COQ3: variants seen among roughly 807,000 people sequenced by gnomAD.
COQ3 encodes the protein coenzyme Q3, methyltransferase.
A neutral mutation model predicts 33.1 loss-of-function variants in COQ3; 29 were observed. The observed-to-expected ratio is 0.88, with a 90% CI of 0.65 to 1.19. The LOEUF is 1.19. Among genes scored for constraint, COQ3 ranks in the 50% most tolerant of loss-of-function variants. COQ3 has a pLI of 0.00. For synonymous variants in COQ3, 173 were observed against 157.8 expected (o/e 1.10, Z -0.72); for missense variants, 437 against 430.7 (o/e 1.01, Z -0.13).
chr6:99,374,377 G>A (rs1448203566), intron 5 of COQ3, among the ~76,000 whole-genome samples: 2 of 152,128 alleles, frequency 1.3e-5, no homozygotes, highest in African/African-American at 2.4e-5. Context: ...TGTCTCACTT[G>A]ACTCATCCTA....
chr6:99,391,380 AG>A (rs1414414986), intron 1 of COQ3, among the ~76,000 whole-genome samples: 1 of 152,100 alleles, frequency 6.6e-6, no homozygotes, highest in Non-Finnish European at 1.5e-5. Context: ...CCGGGATTAA[AG>A]GTGCTCGGCC....
chr6:99,379,760 C>A (rs1273448132), intron 3 of COQ3, among the ~76,000 whole-genome samples: 4 of 151,858 alleles, frequency 2.6e-5, no homozygotes, highest in Non-Finnish European at 2.9e-5. Context: ...GAGGCTGAGG[C>A]AGGAGAATCG....
intron 3 of COQ3, 61 bp from the exon 4 acceptor site, chr6:99,377,546 CAA>C: frequency 8.4e-7 from 1 of 1,197,078 alleles, no homozygotes; most frequent in Non-Finnish European, 1.2e-6. Context: ...CGAAAAGTCA[CAA>C]AGTGTGTAGT....
rs202105188 is a variant in COQ3, at chr6:99,394,062, A to G, written c.106+12T>C. The stretch of plus-strand genomic sequence containing the variant: ...TTGACTGCATGCGAAGGACCTCCGC[A>G]CACACACTCACCCGCCGAGGAAATT... On this transcript the variant is annotated intron_variant, in intron 1 of 6. Coordinates refer to ENST00000254759, the MANE Select transcript of COQ3 (RefSeq NM_017421.4). 7.8e-5 allele frequency: 125 copies of G among 1,605,914 alleles called. No individual in the cohort carries two copies. In the African/African-American group the frequency reaches 1.2e-3, roughly 16 times the overall value.
intron 6 of COQ3, among the ~76,000 whole-genome samples, chr6:99,370,344 C>CTTTTTTTTTTTTTTTTTTTTTTTTTTT: frequency 5.9e-5 from 6 of 101,252 alleles, no homozygotes; most frequent in African/African-American, 1.6e-4. Flanking sequence ...CTTTTCTTTA[C>CTTTTTTTTTTTTTTTTTTTTTTTTTTT]TTTTTTTTTT....
At chr6:99,386,221 G>A (rs1399194816) in intron 1 of COQ3, among the ~76,000 whole-genome samples, 1 of 152,012 alleles carries the variant, frequency 6.6e-6, no homozygotes, top group East Asian at 1.9e-4. Context: ...CTTGAGGTCA[G>A]GAGTTCGAGA....
At chr6:99,377,511 C>T (rs375975580) in intron 3 of COQ3, 26 bp from the exon 4 acceptor site, 51 of 1,494,372 alleles carry the variant, frequency 3.4e-5, no homozygotes, top group Non-Finnish European at 4.5e-5. Context: ...CAAAACATAC[C>T]AAAACAAATA....
At chr6:99,379,491 A>G (rs1327182230) in intron 3 of COQ3, among the ~76,000 whole-genome samples, 1 of 152,204 alleles carries the variant, frequency 6.6e-6, no homozygotes, top group Admixed American at 6.5e-5. Context: ...TAAGTTCTCA[A>G]AAAAATTTGT....
chr6:99,382,733 C>T (rs1019108503), intron 2 of COQ3, among the ~76,000 whole-genome samples: 2 of 152,118 alleles, frequency 1.3e-5, no homozygotes, highest in Admixed American at 6.5e-5. Context: ...GTGGGTGGAT[C>T]ACCTGAGATC....
intron 4 of COQ3, among the ~76,000 whole-genome samples, chr6:99,377,102 C>T (rs1269858011): frequency 1.3e-5 from 2 of 150,486 alleles, no homozygotes; most frequent in Admixed American, 6.6e-5. Context: ...CTCTGCCTCC[C>T]GGGTTCAAGC....
chr6:99,375,867 C>A, intron 5 of COQ3, 73 bp downstream of exon 5: 1 of 1,534,246 alleles, frequency 6.5e-7, no homozygotes. Context: ...GCATTATGGA[C>A]CATTTTATTG....
intron 1 of COQ3, among the ~76,000 whole-genome samples, chr6:99,385,995 A>G (rs1263893666): frequency 1.2e-5 from 1 of 83,020 alleles, no homozygotes; most frequent in Non-Finnish European, 3.0e-5. Context: ...AAAAAAAAAG[A>G]AAAGAAAAAA....
intron 1 of COQ3, among the ~76,000 whole-genome samples, chr6:99,391,094 T>TATTGATTGATTG (rs879609283): frequency 2.1e-5 from 2 of 95,964 alleles, no homozygotes; most frequent in Non-Finnish European, 5.2e-5. Flanking sequence ...TTTATTTATT[T>TATTGATTGATTG]ATTTATTTAT....
intron 1 of COQ3, among the ~76,000 whole-genome samples, chr6:99,392,566 C>G (rs757044596): frequency 3.3e-5 from 5 of 152,150 alleles, no homozygotes; most frequent in Admixed American, 1.3e-4. Context: ...TTTCAAGGAA[C>G]CTTGCAGTTT....
chr6:99,390,225 A>C (rs907253174), intron 1 of COQ3, among the ~76,000 whole-genome samples: 1 of 152,158 alleles, frequency 6.6e-6, no homozygotes, highest in Non-Finnish European at 1.5e-5. Flanking sequence ...TGCATTTGTA[A>C]ATCTGTAATT....
chr6:99,380,562 A>G (rs1003019860), intron 2 of COQ3, among the ~76,000 whole-genome samples: 2 of 152,150 alleles, frequency 1.3e-5, no homozygotes, highest in African/African-American at 4.8e-5. Flanking sequence ...GTAAGTTTCA[A>G]TTCAAAACAG....
intron 2 of COQ3, 74 bp downstream of exon 2, chr6:99,383,624 G>C (rs1337996255): frequency 8.5e-7 from 1 of 1,176,624 alleles, no homozygotes; most frequent in African/African-American, 1.6e-5. Context: ...TACTGACTGG[G>C]TTTATTAAAG....
At chr6:99,381,856 G>T (rs1167198512) in intron 2 of COQ3, among the ~76,000 whole-genome samples, 2 of 151,344 alleles carry the variant, frequency 1.3e-5, no homozygotes, top group Non-Finnish European at 2.9e-5. Context: ...AAGCAGGGAG[G>T]TGGAGGCTAC....
At position 99,394,060 on chromosome 6, in the gene COQ3, G is replaced by A. The variant is rs929960108; in HGVS notation, c.106+14C>T. 1.2e-6 allele frequency: 2 copies of A among 1,603,284 alleles called. No homozygotes were observed. The highest frequency in any genetic ancestry group is 1.3e-5 in the African/African-American group (1 of 74,650). ...AATTGACTGCATGCGAAGGACCTCCGCACACACACTCACCCGCCGAGGAAA... is the reference window on the plus strand; with the variant it reads ...AATTGACTGCATGCGAAGGACCTCCACACACACACTCACCCGCCGAGGAAA... On this transcript the variant is annotated intron_variant, in intron 1 of 6. Coordinates refer to ENST00000254759, the MANE Select transcript of COQ3 (RefSeq NM_017421.4).
Sources: gnomAD v4.1 joint callset for allele counts (sites outside exome capture counted in the v4.1 genomes callset) on GRCh38, gnomAD v4.1.1 for gene constraint, MANE v1.5 for transcripts, NCBI Gene and HGNC (gene_info 2026-07-23, HGNC 2026-07-21) for gene names.